The following WNK2 variants were observed in gnomAD, a reference collection of about 807,000 sequenced individuals.
WNK2 encodes serine/threonine-protein kinase WNK2.
In WNK2, 67 loss-of-function variants were observed where a neutral mutation model predicts 192.1. The ratio of observed to expected loss-of-function variants is 0.35; its 90% CI spans 0.29 to 0.43. The LOEUF (loss-of-function observed/expected upper bound fraction) is 0.43. WNK2 is among the 20% of genes least tolerant of loss of function. The pLI, the probability that WNK2 is intolerant of heterozygous loss-of-function variation, is 1.00. For synonymous variants in WNK2, 1,439 were observed against 1,393.9 expected (o/e 1.03, Z -0.72); for missense variants, 2,698 against 3,089.7 (o/e 0.87, Z 3.01).
chr9:93,314,621 T>C (rs1299999628), intron 28 of WNK2, among the ~76,000 whole-genome samples: 1 of 152,206 alleles, frequency 6.6e-6, no homozygotes, highest in Non-Finnish European at 1.5e-5. Flanking sequence ...ATGCCAGCCA[T>C]TTAGTCCCTC....
intron 7 of WNK2, among the ~76,000 whole-genome samples, chr9:93,244,155 A>G (rs1841259036): frequency 6.6e-6 from 1 of 152,240 alleles, no homozygotes; most frequent in Non-Finnish European, 1.5e-5. Flanking sequence ...TGGAATCCAG[A>G]TGAGACCTCT....
chr9:93,281,040 G>C (rs2133582148), intron 19 of WNK2, among the ~76,000 whole-genome samples: 1 of 152,326 alleles, frequency 6.6e-6, no homozygotes, highest in South Asian at 2.1e-4. Context: ...TGTGGTGGCT[G>C]AAAGCAGATC....
chr9:93,289,500 C>T lies in WNK2; in HGVS notation c.4746C>T (p.Asp1582=). ...AGTPVEVGDR[D]FTLEPLRGDQ... ...CCCCTGTGGAGGTGGGCGACAGAGA[C>T]TTCACCCTGGAGCCCCTGAGAGGGG... Residue 1582 remains aspartate (D), a synonymous_variant, in exon 20 of 30, where the codon GAC becomes GAT. Coordinates refer to ENST00000427277, the MANE Select transcript of WNK2 (RefSeq NM_006648.4). 6.2e-7 allele frequency: 1 copy of T among 1,606,940 alleles called. No individual in the cohort carries two copies. Among genetic ancestry groups the T allele is most frequent in the South Asian group, 1.1e-5 (1 of 90,818 alleles).
At chr9:93,231,567 C>T (rs536977995) in intron 4 of WNK2, among the ~76,000 whole-genome samples, 1 of 152,310 alleles carries the variant, frequency 6.6e-6, no homozygotes, top group Non-Finnish European at 1.5e-5. Flanking sequence ...GCCAGTGACG[C>T]TGGAGCTCCC....
At chr9:93,318,243 G>A in intron 29 of WNK2, 2 of 1,495,250 alleles carry the variant, frequency 1.3e-6, no homozygotes, top group African/African-American at 2.8e-5. Context: ...TTGCAGAGAT[G>A]TGAATGGTTT....
At chr9:93,287,792 G>C (rs1270674197) in intron 19 of WNK2, among the ~76,000 whole-genome samples, 4 of 152,094 alleles carry the variant, frequency 2.6e-5, no homozygotes, top group African/African-American at 9.7e-5. Flanking sequence ...TGGGCGTGGG[G>C]GCTCACACCT....
intron 2 of WNK2, among the ~76,000 whole-genome samples, chr9:93,200,942 G>A (rs370171989): frequency 6.6e-6 from 1 of 152,184 alleles, no homozygotes; most frequent in East Asian, 1.9e-4. Flanking sequence ...TATGGAAATA[G>A]ATCTTAAGAT....
chr9:93,293,479 C>T (rs1305286017), intron 23 of WNK2, among the ~76,000 whole-genome samples: 4 of 152,110 alleles, frequency 2.6e-5, no homozygotes, highest in Admixed American at 6.5e-5. Flanking sequence ...GCCACCACGC[C>T]CGGTTGATTT....
chr9:93,239,617 C>T lies in WNK2; in HGVS notation c.1323-140C>T. On this transcript the variant is annotated intron_variant, in intron 6 of 29. Transcript: ENST00000427277. The surrounding 1 kb of genome is among the most constrained non-coding windows in gnomAD (Gnocchi z 4.2). ...GATTCACTGAAATCTTTTCTTTACC[C>T]CTGGGAGTGCTGAGACATGAGGCCT... 1 of 654,768 alleles carries T rather than the reference C, an allele frequency of 1.5e-6. No homozygotes were observed. The highest frequency in any genetic ancestry group is 2.0e-5 in the South Asian group (1 of 50,038). The allele number at this position is 654,768 out of a possible 1,614,324, so 40.6% of individuals were successfully genotyped here. A position where few individuals can be genotyped will look rare whatever the true frequency, so the allele number is the denominator to read the frequency against.
Position 93,257,237 on chromosome 9 carries a change from G to GT in WNK2, c.2382+99dup. 7.6e-7 allele frequency: 1 copy of GT among 1,309,836 alleles called. No individual in the cohort carries two copies. The highest frequency in any genetic ancestry group is 1.5e-5 in the African/African-American group (1 of 66,768). 81.1% of individuals were successfully genotyped at this position (1,309,836 alleles called of 1,614,324 possible). On this transcript the variant is annotated intron_variant, in intron 11 of 29. Transcript: ENST00000427277. The surrounding 1 kb of genome is among the most constrained non-coding windows in gnomAD (Gnocchi z 4.7). ...CCCACAGAGGGGGTTGTCTGTGCAT[G>GT]TGACCTGTGACCTGGGGTTGGGCTG...
intron 2 of WNK2, among the ~76,000 whole-genome samples, chr9:93,217,845 G>T (rs1363169387): frequency 6.6e-6 from 1 of 152,160 alleles, no homozygotes; most frequent in Non-Finnish European, 1.5e-5. Context: ...TTAGCTCTTG[G>T]TGATAGCTTG....
intron 7 of WNK2, among the ~76,000 whole-genome samples, chr9:93,245,388 C>T (rs1340050882): frequency 2.0e-5 from 3 of 152,204 alleles, no homozygotes; most frequent in Non-Finnish European, 2.9e-5. Context: ...CCCCTTTCCT[C>T]GCCTGACTTC....
chr9:93,210,636 G>A (rs960083774), intron 2 of WNK2, among the ~76,000 whole-genome samples: 1 of 152,108 alleles, frequency 6.6e-6, no homozygotes, highest in South Asian at 2.1e-4. Context: ...TTGTGAGCCC[G>A]CAGGCTCCAC....
At chr9:93,213,595 G>A (rs1292459984) in intron 2 of WNK2, among the ~76,000 whole-genome samples, 1 of 152,142 alleles carries the variant, frequency 6.6e-6, no homozygotes, top group Non-Finnish European at 1.5e-5. Flanking sequence ...TTAAAGACCA[G>A]CCCAACCAAC....
intron 6 of WNK2, 137 bp downstream of exon 6, chr9:93,238,458 A>C: frequency 1.2e-6 from 1 of 802,348 alleles, no homozygotes; most frequent in Non-Finnish European, 2.1e-6. Context: ...GCACGTTAGC[A>C]GGGGCTGGTG....
chr9:93,240,021 G>T, intron 7 of WNK2, 45 bp downstream of exon 7: 1 of 1,566,920 alleles, frequency 6.4e-7, no homozygotes, highest in Non-Finnish European at 8.7e-7. Context: ...GGTGTTGGCA[G>T]CTCGTGGTTT....
intron 2 of WNK2, among the ~76,000 whole-genome samples, chr9:93,193,694 G>A (rs1327650442): frequency 6.6e-6 from 1 of 152,242 alleles, no homozygotes; most frequent in East Asian, 1.9e-4. Context: ...GGGGACGCTG[G>A]AGGTTGGCAA....
chr9:93,250,296 A>G (rs953399234), intron 8 of WNK2, among the ~76,000 whole-genome samples: 3 of 152,064 alleles, frequency 2.0e-5, no homozygotes, highest in African/African-American at 7.3e-5. Flanking sequence ...CCTGCATGCA[A>G]ATGGACACAT....
At chr9:93,301,441 G>C (rs527290052) in intron 26 of WNK2, among the ~76,000 whole-genome samples, 58 of 152,232 alleles carry the variant, frequency 3.8e-4, no homozygotes, top group Middle Eastern at 3.4e-3. Flanking sequence ...GGAATGCCAG[G>C]GCCTTCCCAG....
Sources: gnomAD v4.1 joint callset for allele counts (sites outside exome capture counted in the v4.1 genomes callset) on GRCh38, gnomAD v4.1.1 for gene constraint, Gnocchi (gnomAD v3.1) non-coding constraint, MANE v1.5 for transcripts, NCBI Gene and HGNC (gene_info 2026-07-23, HGNC 2026-07-21) for gene names.